SUPT3H: variants seen among roughly 807,000 people sequenced by gnomAD.
The protein encoded by SUPT3H is transcription initiation protein SPT3 homolog.
In SUPT3H, 44 loss-of-function variants were observed where a neutral mutation model predicts 44.3. The ratio of observed to expected loss-of-function variants is 0.99; its 90% CI spans 0.78 to 1.28. The LOEUF is 1.28. Ranked by LOEUF, SUPT3H falls within the 50% of genes most tolerant of loss-of-function variation. The pLI is 0.00. For synonymous variants in SUPT3H, 124 were observed against 125.6 expected (o/e 0.99, Z 0.09); for missense variants, 380 against 387.1 (o/e 0.98, Z 0.15).
At chr6:45,175,611 G>A (rs1811629172) in intron 2 of SUPT3H, among the ~76,000 whole-genome samples, 1 of 152,072 alleles carries the variant, frequency 6.6e-6, no homozygotes, top group Non-Finnish European at 1.5e-5. Flanking sequence ...ATCTCTAGCA[G>A]CAGTACTCAT....
intron 2 of SUPT3H, among the ~76,000 whole-genome samples, chr6:45,287,270 T>TAA (rs1562878808): frequency 2.1e-4 from 30 of 141,934 alleles, no homozygotes; most frequent in Middle Eastern, 3.5e-3. Context: ...ATAAAAAATA[T>TAA]AAAAAATTAT....
At position 44,829,799 on chromosome 6, in the gene SUPT3H, A is replaced by C. The variant is rs377759558; in HGVS notation, c.*17T>G. The C allele has an allele frequency of 5.6e-6, 9 of 1,612,174 alleles. No homozygotes were observed. The highest frequency in any genetic ancestry group is 7.6e-6 in the Non-Finnish European group (9 of 1,178,836). Reference sequence around the variant, plus strand: ...CATTGCCTTTCCTGTTGTTGCAGGCACATCACAGTTGTCACATCAGCAGGC... The same window carrying C: ...CATTGCCTTTCCTGTTGTTGCAGGCCCATCACAGTTGTCACATCAGCAGGC... On this transcript the variant is annotated 3_prime_UTR_variant, in exon 11 of 11. Coordinates refer to ENST00000371459, the MANE Select transcript of SUPT3H (RefSeq NM_003599.4).
chr6:45,322,900 G>A (rs1195581816), intron 2 of SUPT3H: 2 of 1,612,910 alleles, frequency 1.2e-6, no homozygotes, highest in South Asian at 2.2e-5. Flanking sequence ...GAAGAACGTT[G>A]TTCCAAAGAC....
chr6:44,813,655 A>ATT (rs1197937761), intron 11 of SUPT3H, among the ~76,000 whole-genome samples: 3 of 146,546 alleles, frequency 2.0e-5, no homozygotes, highest in African/African-American at 7.5e-5. Context: ...TGGAACTGGA[A>ATT]TTTTTTTTTT....
chr6:44,812,175 G>A (rs1766576986), intron 11 of SUPT3H, among the ~76,000 whole-genome samples: 1 of 152,162 alleles, frequency 6.6e-6, no homozygotes, highest in Non-Finnish European at 1.5e-5. Context: ...TAGGCCAGAA[G>A]TCCAGTATAA....
intron 2 of SUPT3H, among the ~76,000 whole-genome samples, chr6:45,201,885 T>A (rs1762506528): frequency 6.6e-6 from 1 of 151,940 alleles, no homozygotes; most frequent in South Asian, 2.1e-4. Flanking sequence ...TTAACAGTTT[T>A]ATATTGTTCT....
chr6:44,932,114 T>C (rs1427675871), intron 10 of SUPT3H, among the ~76,000 whole-genome samples: 1 of 152,202 alleles, frequency 6.6e-6, no homozygotes, highest in African/African-American at 2.4e-5. Flanking sequence ...TTCTTTAGAC[T>C]GTTGAAATAT....
intron 2 of SUPT3H, among the ~76,000 whole-genome samples, chr6:45,296,466 T>C (rs551326743): frequency 2.8e-4 from 42 of 151,788 alleles, no homozygotes; most frequent in Non-Finnish European, 4.7e-4. Context: ...GTGCCAGGTG[T>C]GATGACTCAT....
chr6:45,377,383 CGCCGT>C (rs1796947278), intron 1 of SUPT3H: 1 of 152,460 alleles, frequency 6.6e-6, no homozygotes, highest in East Asian at 1.9e-4. Flanking sequence ...ACTCTTCTCT[CGCCGT>C]GCCATAAAGC....
chr6:45,348,101 C>A (rs752204099), intron 2 of SUPT3H, among the ~76,000 whole-genome samples: 6 of 151,718 alleles, frequency 4.0e-5, no homozygotes, highest in Non-Finnish European at 8.8e-5. Flanking sequence ...ATAGTTTTTA[C>A]GTTAAAAGCA....
In SUPT3H at chr6:45,090,953, A is replaced by G. The variant is rs114802474; in HGVS notation, c.186+14969T>C. ...GAGAAACTTTAGTGCTCAAGGAAAAAGATTCTACTAAAACTTTTCTTCTTA... is the reference window on the plus strand; with the variant it reads ...GAGAAACTTTAGTGCTCAAGGAAAAGGATTCTACTAAAACTTTTCTTCTTA... On this transcript the variant is annotated intron_variant, in intron 3 of 10. Transcript: ENST00000371459. 2.2e-3 allele frequency among the ~76,000 whole-genome samples: 331 copies of G among 152,054 alleles called. 1 individual carries two copies. The highest frequency in any genetic ancestry group is 7.5e-3 in the African/African-American group (310 of 41,572).
intron 4 of SUPT3H, among the ~76,000 whole-genome samples, chr6:45,015,467 T>C (rs1272034210): frequency 2.6e-5 from 4 of 152,038 alleles, no homozygotes; most frequent in Non-Finnish European, 5.9e-5. Context: ...GAGTGGCAAG[T>C]GAATTTGAGG....
intron 2 of SUPT3H, among the ~76,000 whole-genome samples, chr6:45,179,099 A>C (rs1326946977): frequency 6.6e-6 from 1 of 152,070 alleles, no homozygotes; most frequent in Non-Finnish European, 1.5e-5. Context: ...TACTACAAAC[A>C]CCTCTACGCA....
In SUPT3H at chr6:44,829,520, T is replaced by C; in HGVS notation, c.*296A>G. On this transcript the variant is annotated 3_prime_UTR_variant, in exon 11 of 11. Coordinates refer to ENST00000371459, the MANE Select transcript of SUPT3H (RefSeq NM_003599.4). ...ACCACTGCTTTTAAGGTATGTGAGC[T>C]GAGGGCAGTAAATCTACTCAAATTA... 3.7e-6 allele frequency: 1 copy of C among 272,102 alleles called. No individual in the cohort carries two copies. Among genetic ancestry groups the C allele is most frequent in the Non-Finnish European group, 6.9e-6 (1 of 144,976 alleles). The allele number at this position is 272,102 out of a possible 1,614,324, so 16.9% of individuals were successfully genotyped here.
intron 2 of SUPT3H, among the ~76,000 whole-genome samples, chr6:45,248,656 C>T (rs1284591702): frequency 1.3e-5 from 2 of 152,102 alleles, no homozygotes; most frequent in African/African-American, 2.4e-5. Context: ...GTGGCTCTTG[C>T]CTGTAATCCC....
intron 5 of SUPT3H, among the ~76,000 whole-genome samples, chr6:45,010,473 C>T (rs577877083): frequency 5.6e-4 from 85 of 152,200 alleles, no homozygotes; most frequent in Middle Eastern, 6.8e-3. Context: ...TGTGGGTTTT[C>T]CATATATGTC....
chr6:45,146,361 A>G lies in SUPT3H; in HGVS notation c.102-40355T>C, dbSNP rs143871546. On this transcript the variant is annotated intron_variant, in intron 2 of 10. Coordinates refer to ENST00000371459, the MANE Select transcript of SUPT3H (RefSeq NM_003599.4). ...ACCCAAATATCATATGTTCTCACTT[A>G]TAAGTGGGAGCTATACTATGAGGAC... Among the ~76,000 whole-genome samples, 294 of 152,218 alleles carry G rather than the reference A, an allele frequency of 1.9e-3. 1 individual carries two copies. The highest frequency in any genetic ancestry group is 6.4e-3 in the African/African-American group (264 of 41,552).
Position 44,828,128 on chromosome 6 carries a change from ATAC to A in SUPT3H, c.*1685_*1687del, listed in dbSNP as rs1767974010. 6.6e-6 allele frequency among the ~76,000 whole-genome samples: 1 copy of A among 152,166 alleles called. No individual in the cohort carries two copies. The highest frequency in any genetic ancestry group is 2.1e-4 in the South Asian group (1 of 4,838). The stretch of plus-strand genomic sequence containing the variant: ...TGAAAAATTATCCCCTGAAAATTTT[ATAC>A]CATCTATAAGCCTGGCAGATCAAAA... On this transcript the variant is annotated 3_prime_UTR_variant, in exon 11 of 11. Coordinates refer to ENST00000371459, the MANE Select transcript of SUPT3H (RefSeq NM_003599.4).
intron 3 of SUPT3H, among the ~76,000 whole-genome samples, chr6:45,076,112 G>C (rs537012154): frequency 6.6e-6 from 1 of 151,766 alleles, no homozygotes; most frequent in Non-Finnish European, 1.5e-5. Flanking sequence ...ATTAATAGTG[G>C]CATATATGTT....
Sources: allele counts gnomAD v4.1 joint callset (sites outside exome capture counted in the v4.1 genomes callset), GRCh38; gene constraint gnomAD v4.1.1; transcripts MANE v1.5; gene names NCBI Gene and HGNC (gene_info 2026-07-23, HGNC 2026-07-21).